The following FAM219A variants were observed in gnomAD, a reference collection of about 807,000 sequenced individuals.
FAM219A encodes the protein family with sequence similarity 219 member A.
In FAM219A, 7 loss-of-function variants were observed where a neutral mutation model predicts 23.4. That is an observed-to-expected ratio of 0.30 (90% confidence interval 0.17 to 0.56). The LOEUF is 0.56. Ranked by LOEUF, FAM219A falls within the 20% of genes least tolerant of loss-of-function variation. The probability of loss-of-function intolerance (pLI) is 0.92; values close to 1 mark genes in which losing one functional copy is unlikely to be tolerated. For missense variants in FAM219A, 166 were observed against 246.9 expected, an observed-to-expected ratio of 0.67 and a Z score of 2.20; for synonymous variants, 93 against 99.0, an observed-to-expected ratio of 0.94 and a Z score of 0.36.
chr9:34,447,059 C>T (rs905242238), intron 1 of FAM219A, among the ~76,000 whole-genome samples: 1 of 152,220 alleles, frequency 6.6e-6, no homozygotes, highest in African/African-American at 2.4e-5. Flanking sequence ...CCCTAGATTC[C>T]TATTGAAATT....
At chr9:34,409,129 G>GAGCCCTAGGCTGAGGGGTCCC (rs1365012634) in intron 1 of FAM219A, among the ~76,000 whole-genome samples, 1 of 152,240 alleles carries the variant, frequency 6.6e-6, no homozygotes, top group Non-Finnish European at 1.5e-5. Context: ...CCAGGGGGCA[G>GAGCCCTAGGCTGAGGGGTCCC]AGCCCTAGGC....
intron 1 of FAM219A, among the ~76,000 whole-genome samples, chr9:34,426,554 C>T (rs943733241): frequency 1.3e-5 from 2 of 152,142 alleles, no homozygotes; most frequent in Non-Finnish European, 2.9e-5. Context: ...CTGGAGCATG[C>T]AGATAGGAAC....
At chr9:34,449,382 G>A (rs1455646759) in intron 1 of FAM219A, among the ~76,000 whole-genome samples, 2 of 152,116 alleles carry the variant, frequency 1.3e-5, no homozygotes, top group African/African-American at 2.4e-5. Context: ...AAAAAATAAG[G>A]ATCAAACCAG....
intron 1 of FAM219A, among the ~76,000 whole-genome samples, chr9:34,441,389 A>G (rs914135540): frequency 1.1e-3 from 161 of 152,360 alleles, no homozygotes; most frequent in African/African-American, 3.4e-3. Flanking sequence ...GAAGTGAGAT[A>G]CTGCTGTTCC....
chr9:34,398,316 A>C lies in FAM219A; in HGVS notation c.*2648T>G. ...CATGTCTTCCACACACCTTCCTGGAAATAAATTAGTGAGCACGGAGAAACC... is the reference window on the plus strand; with the variant it reads ...CATGTCTTCCACACACCTTCCTGGACATAAATTAGTGAGCACGGAGAAACC... On this transcript the variant is annotated 3_prime_UTR_variant, in exon 6 of 6. Transcript: ENST00000651358. 1.9e-6 allele frequency: 3 copies of C among 1,550,906 alleles called. No homozygotes were observed. Among genetic ancestry groups the C allele is most frequent in the Non-Finnish European group, 2.6e-6 (3 of 1,147,044 alleles).
In FAM219A at chr9:34,417,223, T is replaced by A. The variant is rs780911681; in HGVS notation, c.61-11259A>T. Among the ~76,000 whole-genome samples the A allele has an allele frequency of 1.4e-4, 21 of 152,230 alleles. No homozygotes were observed. The highest frequency in any genetic ancestry group is 1.3e-4 in the Non-Finnish European group (9 of 68,004). ...AACCATATCTGGCTAATTTTTGTATTTTTAGTAGAGACAGGATTTTGCCAT... is the reference window on the plus strand; with the variant it reads ...AACCATATCTGGCTAATTTTTGTATATTTAGTAGAGACAGGATTTTGCCAT... On this transcript the variant is annotated intron_variant, in intron 1 of 5. Transcript: ENST00000651358. The surrounding 1 kb of genome is among the most constrained non-coding windows in gnomAD (Gnocchi z 4.1).
At chr9:34,432,475 G>A (rs1271925716) in intron 1 of FAM219A, among the ~76,000 whole-genome samples, 4 of 152,148 alleles carry the variant, frequency 2.6e-5, no homozygotes, top group African/African-American at 4.8e-5. Flanking sequence ...ATTTTCCCTT[G>A]GCTTGCATGG....
chr9:34,405,008 C>A (rs1208923324), intron 2 of FAM219A, among the ~76,000 whole-genome samples: 1 of 152,152 alleles, frequency 6.6e-6, no homozygotes, highest in Non-Finnish European at 1.5e-5. Context: ...CAGCTGGAGC[C>A]TGAGGAGGAG....
At chr9:34,425,666 C>T (rs1340514487) in intron 1 of FAM219A, among the ~76,000 whole-genome samples, 1 of 152,164 alleles carries the variant, frequency 6.6e-6, no homozygotes, top group East Asian at 1.9e-4. Context: ...CAAACACTGA[C>T]ACCTATGAGT....
chr9:34,406,049 C>G, intron 1 of FAM219A, 85 bp from the exon 2 acceptor site: 1 of 1,349,532 alleles, frequency 7.4e-7, no homozygotes. Context: ...GCCTTCCCAC[C>G]TGCCCTCTGG....
intron 1 of FAM219A, among the ~76,000 whole-genome samples, chr9:34,451,111 T>G (rs1426735119): frequency 6.6e-6 from 1 of 152,206 alleles, no homozygotes; most frequent in Non-Finnish European, 1.5e-5. Flanking sequence ...AGGAAACTCC[T>G]GCGGGCATGT....
At position 34,458,085 on chromosome 9, in the gene FAM219A, G is replaced by C. The variant is rs894224231; in HGVS notation, c.60+119C>G. The C allele has an allele frequency of 1.1e-6, 1 of 912,868 alleles. No homozygotes were observed. Among genetic ancestry groups the C allele is most frequent in the Admixed American group, 3.5e-5 (1 of 28,946 alleles). 56.5% of individuals were successfully genotyped at this position (912,868 alleles called of 1,614,324 possible). ...CCCGTCCCCCGGCAATACGTTTTCA[G>C]GGATCTCTTTGCCCCATCCGATGGC... is the stretch of plus-strand genomic sequence containing the variant. On this transcript the variant is annotated intron_variant, in intron 1 of 5. Coordinates refer to ENST00000651358, the MANE Select transcript of FAM219A (RefSeq NM_001184940.2). The surrounding 1 kb of genome is among the most constrained non-coding windows in gnomAD (Gnocchi z 6.6).
intron 1 of FAM219A, among the ~76,000 whole-genome samples, chr9:34,414,505 G>C (rs971664501): frequency 1.4e-4 from 22 of 152,132 alleles, no homozygotes; most frequent in Admixed American, 1.4e-3. Context: ...TTCTGCACAT[G>C]TATCCCAGAA....
intron 1 of FAM219A, among the ~76,000 whole-genome samples, chr9:34,445,363 A>T (rs113226672): frequency 2.6e-5 from 4 of 152,356 alleles, no homozygotes; most frequent in African/African-American, 9.6e-5. Context: ...CCAGAATATC[A>T]TTTGTATAAA....
intron 1 of FAM219A, among the ~76,000 whole-genome samples, chr9:34,429,742 C>T (rs1020483332): frequency 6.6e-6 from 1 of 151,960 alleles, no homozygotes; most frequent in Non-Finnish European, 1.5e-5. Flanking sequence ...AATGTCCTTC[C>T]CTCTGCAAAA....
Position 34,427,023 on chromosome 9 carries a change from C to T in FAM219A, c.61-21059G>A, listed in dbSNP as rs113059776. 2.4e-3 allele frequency among the ~76,000 whole-genome samples: 368 copies of T among 152,188 alleles called. 2 individuals are homozygous for T. The highest frequency in any genetic ancestry group is 8.1e-3 in the African/African-American group (335 of 41,516). ...AGTCACTTGCCTTTACTTCTATCTCCCCAACCTCATCTTGTGCCACTCTTC... is the reference window on the plus strand; with the variant it reads ...AGTCACTTGCCTTTACTTCTATCTCTCCAACCTCATCTTGTGCCACTCTTC... On this transcript the variant is annotated intron_variant, in intron 1 of 5. Transcript: ENST00000651358.
rs150777538 is a variant in FAM219A at position 34,403,524 on chromosome 9, C to T, written c.161-717G>A. ...AAGGCTGGGGGAGCCCATTTGGCTACGCTGCCTGAGTGGTGCTCCTGACTC... is the reference window on the plus strand; with the variant it reads ...AAGGCTGGGGGAGCCCATTTGGCTATGCTGCCTGAGTGGTGCTCCTGACTC... On this transcript the variant is annotated intron_variant, in intron 2 of 5. Transcript: ENST00000651358. Among the ~76,000 whole-genome samples, 583 of 152,328 alleles carry T rather than the reference C, an allele frequency of 3.8e-3. 4 individuals are homozygous for T. The highest frequency in any genetic ancestry group is 0.013 in the African/African-American group (555 of 41,564).
At chr9:34,434,201 C>CA (rs56144317) in intron 1 of FAM219A, among the ~76,000 whole-genome samples, 1,239 of 44,784 alleles carry the variant, frequency 0.028, 54 homozygotes, top group African/African-American at 0.046. Context: ...GACTCCGTCT[C>CA]AAAAAAAAAA....
chr9:34,401,054 G>A lies in FAM219A; in HGVS notation c.468C>T (p.Asp156=), dbSNP rs373803647. The A allele has an allele frequency of 9.3e-6, 15 of 1,612,118 alleles. No homozygotes were observed. The highest frequency in any genetic ancestry group is 4.4e-5 in the South Asian group (4 of 90,902). The change falls in exon 6 of 6, where the codon GAC becomes GAT. Residue 156 remains aspartate (D), a synonymous_variant. Transcript: ENST00000651358. ...TGGGGGGGATGAGGTCTAGGTCCTCGTCGTCGGGGATCTCATCTAACCGGT... is the reference window on the plus strand; with the variant it reads ...TGGGGGGGATGAGGTCTAGGTCCTCATCGTCGGGGATCTCATCTAACCGGT... ...DGYRLDEIPD[D]EDLDLIPPKS... is the part of the protein sequence containing the mutation.
Sources: gnomAD v4.1 joint callset for allele counts (sites outside exome capture counted in the v4.1 genomes callset) on GRCh38, gnomAD v4.1.1 for gene constraint, Gnocchi (gnomAD v3.1) non-coding constraint, MANE v1.5 for transcripts, NCBI Gene and HGNC (gene_info 2026-07-23, HGNC 2026-07-21) for gene names.